Variants in HDLBP observed in about 807,000 individuals in gnomAD.
HDLBP encodes the protein high density lipoprotein binding protein.
A neutral mutation model predicts 137.3 loss-of-function variants in HDLBP; 30 were observed. That is an observed-to-expected ratio of 0.22 (90% CI 0.16 to 0.30). HDLBP has a LOEUF of 0.30. Ranked by LOEUF, HDLBP falls within the 10% of genes least tolerant of loss-of-function variation. The pLI, the probability that HDLBP is intolerant of heterozygous loss-of-function variation, is 1.00. For missense variants in HDLBP, 1,119 were observed against 1,667.3 expected (o/e 0.67, Z 5.73); for synonymous variants, 606 against 596.0 (o/e 1.02, Z -0.24).
At chr2:241,247,231 C>T (rs186084433) in intron 14 of HDLBP, 89 bp from the exon 15 acceptor site, 34 of 792,246 alleles carry the variant, frequency 4.3e-5, no homozygotes, top group Admixed American at 9.9e-5. Context: ...AGCATGAACA[C>T]GACAGAGCAC....
At chr2:241,283,985 T>C (rs945265184) in intron 1 of HDLBP, among the ~76,000 whole-genome samples, 1 of 151,932 alleles carries the variant, frequency 6.6e-6, no homozygotes, top group African/African-American at 2.4e-5. Context: ...TTTAAAACGA[T>C]TTACTGAGTA....
chr2:241,241,060 C>T (rs1422548923), intron 17 of HDLBP, among the ~76,000 whole-genome samples: 1 of 152,124 alleles, frequency 6.6e-6, no homozygotes, highest in Non-Finnish European at 1.5e-5. Flanking sequence ...AAACATTAGG[C>T]AATCAATTAG....
Position 241,268,489 on chromosome 2 carries a change from C to T in HDLBP, c.-50G>A. Reference sequence around the variant, plus strand: ...GGGTCAAACTTACCAGCAAAACGGTCAGTAGCCAGAAGGTCCGTCCTGAGG... The same window carrying T: ...GGGTCAAACTTACCAGCAAAACGGTTAGTAGCCAGAAGGTCCGTCCTGAGG... On this transcript the variant is annotated 5_prime_UTR_variant, in exon 2 of 28. Transcript: ENST00000310931. The T allele has an allele frequency of 1.0e-6, 1 of 985,924 alleles. No homozygotes were observed. Among genetic ancestry groups the T allele is most frequent in the Non-Finnish European group, 1.2e-6 (1 of 829,958 alleles). 61.1% of individuals were successfully genotyped at this position (985,924 alleles called of 1,614,324 possible). A position where few individuals can be genotyped will look rare whatever the true frequency, so the allele number is the denominator to read the frequency against.
intron 5 of HDLBP, among the ~76,000 whole-genome samples, chr2:241,262,456 T>TAA (rs11443847): frequency 7.3e-5 from 11 of 151,226 alleles, no homozygotes; most frequent in South Asian, 6.3e-4. Context: ...CTCTGTCTCT[T>TAA]AAAAAAAAAA....
Position 241,255,075 on chromosome 2 carries a change from G to A in HDLBP, c.1164C>T (p.Ala388=), listed in dbSNP as rs866422932. ...FIIGKKGQNL[A]KITQQMPKVH... ...CCTTTGGCATCTGCTGAGTGATTTT[G>A]GCCAGGTTCTGCCCTTTCTTGCCAA... is the stretch of plus-strand genomic sequence containing the variant. The change falls in exon 9 of 28, where the codon GCC becomes GCT. Residue 388 remains alanine (A), a synonymous_variant. Coordinates refer to ENST00000310931, the MANE Select transcript of HDLBP (RefSeq NM_005336.6). 3 of 1,613,668 alleles carry A rather than the reference G, an allele frequency of 1.9e-6. No homozygotes were observed. The Middle Eastern group carries it at 4.9e-4, about 266-fold the overall frequency.
chr2:241,307,650 G>A (rs768837802), intron 1 of HDLBP, among the ~76,000 whole-genome samples: 6 of 152,220 alleles, frequency 3.9e-5, no homozygotes, highest in Middle Eastern at 3.4e-3. Context: ...CTTCAAAACT[G>A]TAATTTTAAT....
Position 241,312,495 on chromosome 2 carries a change from T to C in HDLBP, c.-103+3075A>G, listed in dbSNP as rs552433950. 4.6e-5 allele frequency among the ~76,000 whole-genome samples: 7 copies of C among 152,358 alleles called. No homozygotes were observed. In the South Asian group the frequency reaches 1.5e-3, roughly 32 times the overall value. On this transcript the variant is annotated intron_variant, in intron 1 of 27. Transcript: ENST00000310931. ...GTTGAACGTTGTGGTGCTTTTACAATTGAAGAGAAAAAGCATTCTGACACA... is the reference window on the plus strand; with the variant it reads ...GTTGAACGTTGTGGTGCTTTTACAACTGAAGAGAAAAAGCATTCTGACACA...
intron 16 of HDLBP, among the ~76,000 whole-genome samples, chr2:241,245,067 A>G (rs1049945298): frequency 4.1e-5 from 6 of 145,704 alleles, no homozygotes; most frequent in South Asian, 2.1e-4. Flanking sequence ...ACAATTGAGG[A>G]AAAAAATTAC....
At position 241,266,855 on chromosome 2, in the gene HDLBP, T is replaced by C. The variant is rs199642392; in HGVS notation, c.15A>G (p.Ala5=). 509 of 1,614,066 alleles carry C rather than the reference T, an allele frequency of 3.2e-4. No homozygotes were observed. Among genetic ancestry groups the C allele is most frequent in the Non-Finnish European group, 4.0e-4 (471 of 1,180,014 alleles). The stretch of plus-strand genomic sequence containing the variant: ...CAGCAAAACTCTCTTGGGTCAAAAC[T>C]GCAACGGAACTCATGGTTGATCTCA... MSSV[A]VLTQESFAEH... The change falls in exon 3 of 28, where the codon GCA becomes GCG. Residue 5 remains alanine (A), a synonymous_variant. Coordinates refer to ENST00000310931, the MANE Select transcript of HDLBP (RefSeq NM_005336.6).
At chr2:241,271,445 C>T (rs2074029838) in intron 1 of HDLBP, among the ~76,000 whole-genome samples, 1 of 152,098 alleles carries the variant, frequency 6.6e-6, no homozygotes, top group Non-Finnish European at 1.5e-5. Flanking sequence ...CCTGACAGAG[C>T]TGTGTGTTGC....
chr2:241,256,154 A>G (rs749726410), intron 7 of HDLBP, 30 bp downstream of exon 7: 8 of 1,581,130 alleles, frequency 5.1e-6, no homozygotes, highest in South Asian at 1.1e-5. Flanking sequence ...ATTCCTGCCC[A>G]TGGGGATTTG....
At chr2:241,288,396 C>CACAACCAAGA (rs71228717) in intron 1 of HDLBP, among the ~76,000 whole-genome samples, 121,170 of 151,600 alleles carry the variant, frequency 0.8, 48,582 homozygotes, top group East Asian at 0.95. Flanking sequence ...CAGTTGCCTG[C>CACAACCAAGA]ACAACTAAGA....
rs2070537166 is a variant in HDLBP at position 241,236,831 on chromosome 2, A to G, written c.2750-62T>C. ...CTGGAAGAGACCCCACACCTTGTTC[A>G]GAATGCATATGTCTGTGAGGCACCT... On this transcript the variant is annotated intron_variant, in intron 20 of 27. Coordinates refer to ENST00000310931, the MANE Select transcript of HDLBP (RefSeq NM_005336.6). The G allele has an allele frequency of 3.2e-6, 5 of 1,561,764 alleles. No individual in the cohort carries two copies. The South Asian group carries it at 3.5e-5, about 11-fold the overall frequency.
Position 241,229,342 on chromosome 2 carries a change from C to A in HDLBP, c.*259G>T. 1 of 398,860 alleles carries A rather than the reference C, an allele frequency of 2.5e-6. No individual in the cohort carries two copies. Among genetic ancestry groups the A allele is most frequent in the Non-Finnish European group, 4.7e-6 (1 of 214,480 alleles). 24.7% of individuals were successfully genotyped at this position (398,860 alleles called of 1,614,324 possible). A position where few individuals can be genotyped will look rare whatever the true frequency, so the allele number is the denominator to read the frequency against. On this transcript the variant is annotated 3_prime_UTR_variant, in exon 28 of 28. Coordinates refer to ENST00000310931, the MANE Select transcript of HDLBP (RefSeq NM_005336.6). Reference sequence around the variant, plus strand: ...ACTGACATGCCGGGTGGACCAGGAGCTGGAGTCTGTTATCTTAGCACGAAT... The same window carrying A: ...ACTGACATGCCGGGTGGACCAGGAGATGGAGTCTGTTATCTTAGCACGAAT...
At chr2:241,277,323 G>A (rs1397007714) in intron 1 of HDLBP, among the ~76,000 whole-genome samples, 1 of 152,060 alleles carries the variant, frequency 6.6e-6, no homozygotes, top group South Asian at 2.1e-4. Context: ...AAGAAAGGTA[G>A]AAGGAAATAA....
At chr2:241,278,508 G>A (rs536444966) in intron 1 of HDLBP, among the ~76,000 whole-genome samples, 16 of 151,612 alleles carry the variant, frequency 1.1e-4, no homozygotes, top group Non-Finnish European at 1.6e-4. Flanking sequence ...GCTTGAACCC[G>A]GGAGGTGGAG....
chr2:241,311,308 AG>A (rs2075751948), intron 1 of HDLBP, among the ~76,000 whole-genome samples: 1 of 152,226 alleles, frequency 6.6e-6, no homozygotes, highest in Non-Finnish European at 1.5e-5. Context: ...ATTCCTACTC[AG>A]GATAAGAGCA....
At chr2:241,274,282 A>G (rs1019497304) in intron 1 of HDLBP, among the ~76,000 whole-genome samples, 1 of 152,184 alleles carries the variant, frequency 6.6e-6, no homozygotes, top group African/African-American at 2.4e-5. Flanking sequence ...GAATCACAGA[A>G]GGCAGAGAAC....
chr2:241,292,376 A>T (rs929108415), intron 1 of HDLBP, among the ~76,000 whole-genome samples: 12 of 152,210 alleles, frequency 7.9e-5, no homozygotes, highest in African/African-American at 2.7e-4. Context: ...ACAAAAACTA[A>T]AAAAGGGAAA....
Sources: allele counts gnomAD v4.1 joint callset (sites outside exome capture counted in the v4.1 genomes callset), GRCh38; gene constraint gnomAD v4.1.1; transcripts MANE v1.5; gene names NCBI Gene and HGNC (gene_info 2026-07-23, HGNC 2026-07-21).